MTHFD1: variants seen among roughly 807,000 people sequenced by gnomAD.
MTHFD1 encodes C-1-tetrahydrofolate synthase, cytoplasmic.
Under a neutral mutation model 110.3 loss-of-function variants are expected in MTHFD1, and 44 were observed. The ratio of observed to expected loss-of-function variants is 0.40; its 90% confidence interval spans 0.31 to 0.51. MTHFD1 has a LOEUF of 0.51. Among genes scored for constraint, MTHFD1 ranks in the 20% least tolerant of loss-of-function variants. MTHFD1 has a pLI of 0.60. For synonymous variants in MTHFD1, 402 were observed against 428.8 expected (o/e 0.94, Z 0.77); for missense variants, 909 against 1,173.1 (o/e 0.77, Z 3.29).
intron 2 of MTHFD1, among the ~76,000 whole-genome samples, chr14:64,409,660 C>G (rs1315333081): frequency 6.6e-6 from 1 of 151,842 alleles, no homozygotes. Flanking sequence ...CTAGGGAAGC[C>G]CCTACGAGAA....
intron 27 of MTHFD1, among the ~76,000 whole-genome samples, chr14:64,459,034 C>T (rs1003914010): frequency 6.6e-6 from 1 of 152,138 alleles, no homozygotes. Flanking sequence ...CTAGACTTAA[C>T]GCCCGTCTTA....
At position 64,411,074 on chromosome 14, in the gene MTHFD1, G is replaced by A. The variant is rs759027931; in HGVS notation, c.127-16G>A. ...CTTTCCCTAATCATCTGATTTGCAT[G>A]CATTTATTATTCTAGGTTGGCAACA... On this transcript the variant is annotated splice_polypyrimidine_tract_variant and intron_variant, in intron 2 of 27. Transcript: ENST00000652337. 3.8e-6 allele frequency: 6 copies of A among 1,579,188 alleles called. No homozygotes were observed. In the South Asian group the frequency reaches 6.6e-5, roughly 17 times the overall value.
chr14:64,434,990 C>T (rs191178553), intron 15 of MTHFD1, among the ~76,000 whole-genome samples: 36 of 129,870 alleles, frequency 2.8e-4, no homozygotes, highest in African/African-American at 9.4e-4. Flanking sequence ...TGGAGTCTCA[C>T]CCAGGCTGGA....
rs375172283 is a variant in MTHFD1, at chr14:64,454,703, C to G, written c.2566-20C>G. The stretch of plus-strand genomic sequence containing the variant: ...TGTCATCTTTTCATTTGTCCTCCCT[C>G]TCTTCCCTTCTTTCCCCAGGGCTTT... On this transcript the variant is annotated intron_variant, in intron 25 of 27. Transcript: ENST00000652337. 5.6e-6 allele frequency: 9 copies of G among 1,607,768 alleles called. No homozygotes were observed. Among genetic ancestry groups the G allele is most frequent in the Non-Finnish European group, 6.0e-6 (7 of 1,174,324 alleles).
chr14:64,419,890 C>T lies in MTHFD1; in HGVS notation c.692C>T (p.Ala231Val). The T allele has an allele frequency of 6.2e-7, 1 of 1,613,922 alleles. No homozygotes were observed. Among genetic ancestry groups the T allele is most frequent in the Non-Finnish European group, 8.5e-7 (1 of 1,179,912 alleles). Residue 231 changes from alanine (A) to valine (V), a missense_variant, in exon 8 of 28, where the codon GCA (alanine) becomes GTA (valine). Ala to Val is a moderately conservative substitution (Grantham distance 64, BLOSUM62 0). Coordinates refer to ENST00000652337, the MANE Select transcript of MTHFD1 (RefSeq NM_005956.4). ...AAAGGGGAGTGGATCAAACCTGGGG[C>T]AATAGTCATCGACTGTGGAATCAAT... Reference protein sequence around the residue: ...MVKGEWIKPGAIVIDCGINYV... With the variant: ...MVKGEWIKPGVIVIDCGINYV...
intron 21 of MTHFD1, among the ~76,000 whole-genome samples, chr14:64,443,072 T>TA (rs1339855539): frequency 6.6e-6 from 1 of 152,192 alleles, no homozygotes; most frequent in Non-Finnish European, 1.5e-5. Context: ...TGAAAAACTA[T>TA]TAAATTCCTG....
In MTHFD1 at chr14:64,449,480, G is replaced by T. The variant is rs149899012; in HGVS notation, c.2315G>T (p.Arg772Leu). The T allele has an allele frequency of 1.2e-6, 2 of 1,613,786 alleles. No individual in the cohort carries two copies. The highest frequency in any genetic ancestry group is 2.7e-5 in the African/African-American group (2 of 74,900). ...GAGTCTGAGCTGGACCTCATCAGCCGCCTTTCCAGAGAACATGGGGCTTTT... is the reference window on the plus strand; with the variant it reads ...GAGTCTGAGCTGGACCTCATCAGCCTCCTTTCCAGAGAACATGGGGCTTTT... ...DTESELDLIS[R>L]LSREHGAFDA... The change falls in exon 24 of 28, where the codon CGC becomes CTC. Residue 772 changes from arginine (R) to leucine (L), a missense_variant. Arg to Leu is a moderately radical substitution (Grantham distance 102). Coordinates refer to ENST00000652337, the MANE Select transcript of MTHFD1 (RefSeq NM_005956.4).
intron 14 of MTHFD1, 46 bp downstream of exon 14, chr14:64,431,685 T>C (rs1305402113): frequency 6.2e-7 from 1 of 1,601,906 alleles, no homozygotes; most frequent in African/African-American, 1.3e-5. Flanking sequence ...GTTTTGAAAG[T>C]ATTGAACCAT....
intron 1 of MTHFD1, among the ~76,000 whole-genome samples, chr14:64,389,842 T>A (rs2077790772): frequency 6.6e-6 from 1 of 152,252 alleles, no homozygotes; most frequent in African/African-American, 2.4e-5. Context: ...CCAGTGGCTT[T>A]TTGTTTTAAT....
intron 17 of MTHFD1, 64 bp from the exon 18 acceptor site, chr14:64,440,062 T>G: frequency 6.6e-7 from 1 of 1,514,968 alleles, no homozygotes; most frequent in Middle Eastern, 2.4e-4. Context: ...GAGGATCACT[T>G]TTGCAATTCA....
At chr14:64,388,938 A>G (rs780393967) in intron 1 of MTHFD1, 2 of 185,440 alleles carry the variant, frequency 1.1e-5, no homozygotes, top group Middle Eastern at 2.4e-3. Flanking sequence ...TAGTCTTATC[A>G]TACGCTAAGT....
At chr14:64,402,343 A>G (rs951162877) in intron 2 of MTHFD1, among the ~76,000 whole-genome samples, 1 of 152,196 alleles carries the variant, frequency 6.6e-6, no homozygotes, top group Non-Finnish European at 1.5e-5. Context: ...CAACAAGCTC[A>G]TCAGAGAAGT....
In MTHFD1 at chr14:64,429,739, C is replaced by CA. The variant is rs989459905; in HGVS notation, c.1265-438dup. ...TACTCAACCTGTAATCCAAGTAGCC[C>CA]AAAAAAATCTAGCAATTAGGCTGCT... is the stretch of plus-strand genomic sequence containing the variant. On this transcript the variant is annotated intron_variant, in intron 12 of 27. Transcript: ENST00000652337. Among the ~76,000 whole-genome samples the CA allele has an allele frequency of 5.9e-5, 9 of 151,724 alleles. No individual in the cohort carries two copies. In the East Asian group the frequency reaches 9.7e-4, roughly 16 times the overall value.
In MTHFD1 at chr14:64,453,677, A is replaced by G. The variant is rs1052129110; in HGVS notation, c.2458-77A>G. 1.3e-5 allele frequency: 11 copies of G among 840,354 alleles called. No homozygotes were observed. The Admixed American group carries it at 2.0e-4, about 16-fold the overall frequency. 52.1% of individuals were successfully genotyped at this position (840,354 alleles called of 1,614,324 possible). A position where few individuals can be genotyped will look rare whatever the true frequency, so the allele number is the denominator to read the frequency against. ...CTGCCCCTTTTAGGGACTCTGACCTAGAATGTGGCTATGTCCTGGTTAAAT... is the reference window on the plus strand; with the variant it reads ...CTGCCCCTTTTAGGGACTCTGACCTGGAATGTGGCTATGTCCTGGTTAAAT... On this transcript the variant is annotated intron_variant, in intron 24 of 27. Coordinates refer to ENST00000652337, the MANE Select transcript of MTHFD1 (RefSeq NM_005956.4).
chr14:64,414,284 C>T (rs1274592184), intron 4 of MTHFD1, among the ~76,000 whole-genome samples: 3 of 122,180 alleles, frequency 2.5e-5, no homozygotes, highest in Non-Finnish European at 4.8e-5. Context: ...CACCTGTCCC[C>T]GCTTTTTTTT....
chr14:64,415,387 A>C lies in MTHFD1; in HGVS notation c.270A>C (p.Glu90Asp), dbSNP rs1377383778. 1 of 1,610,326 alleles carries C rather than the reference A, an allele frequency of 6.2e-7. No individual in the cohort carries two copies. Among genetic ancestry groups the C allele is most frequent in the Non-Finnish European group, 8.5e-7 (1 of 1,176,492 alleles). The part of the protein sequence containing the change: ...EVMKYITSLN[E>D]DSTVHGFLVQ... ...TGAAGTACATTACATCTTTGAATGA[A>C]GACTCTACTGTACATGGGTTCTTAG... Residue 90 changes from glutamate to aspartate, a missense_variant, in exon 5 of 28, where the codon GAA becomes GAC. This residue lies in a region of MTHFD1 where 424 missense variants were observed against 510.4 expected (regional missense o/e 0.83). Transcript: ENST00000652337.
intron 1 of MTHFD1, among the ~76,000 whole-genome samples, chr14:64,389,466 G>GAGT (rs2077787680): frequency 6.6e-6 from 1 of 152,284 alleles, no homozygotes; most frequent in East Asian, 1.9e-4. Context: ...CCAGCACTTT[G>GAGT]GGAGGCCGAG....
intron 26 of MTHFD1, 107 bp from the exon 27 acceptor site, chr14:64,458,107 T>A (rs1000339816): frequency 2.2e-5 from 20 of 897,328 alleles, no homozygotes; most frequent in Non-Finnish European, 3.8e-5. Flanking sequence ...CCCAGGGTGG[T>A]TTAGAACTCC....
chr14:64,412,354 C>T lies in MTHFD1; in HGVS notation c.187-118C>T, dbSNP rs564682122. On this transcript the variant is annotated intron_variant, in intron 3 of 27. Coordinates refer to ENST00000652337, the MANE Select transcript of MTHFD1 (RefSeq NM_005956.4). ...GAAGTGAGGGACTCATTCTTCAGAA[C>T]ATATAAGGGTGAAATGATGACCAAC... 90 of 782,028 alleles carry T rather than the reference C, an allele frequency of 1.2e-4. No homozygotes were observed. The South Asian group carries it at 1.2e-3, about 11-fold the overall frequency. 48.4% of individuals were successfully genotyped at this position (782,028 alleles called of 1,614,324 possible). A position where few individuals can be genotyped will look rare whatever the true frequency, so the allele number is the denominator to read the frequency against.
Sources: gnomAD v4.1 joint callset for allele counts (sites outside exome capture counted in the v4.1 genomes callset) on GRCh38, gnomAD v4.1.1 for gene constraint, gnomAD v4.1.1 regional missense constraint, MANE v1.5 for transcripts, NCBI Gene and HGNC (gene_info 2026-07-23, HGNC 2026-07-21) for gene names.